Variants in ERG observed in about 807,000 individuals in gnomAD.
ERG encodes ETS transcription factor ERG, also known as transcriptional regulator ERG.
A neutral mutation model predicts 55.3 loss-of-function variants in ERG; 9 were observed. The ratio of observed to expected loss-of-function variants is 0.16; its 90% CI spans 0.10 to 0.28. The LOEUF (loss-of-function observed/expected upper bound fraction) is 0.28. Among genes scored for constraint, ERG ranks in the 10% least tolerant of loss-of-function variants. The pLI is 1.00. For missense variants in ERG, 434 were observed against 631.6 expected, an observed-to-expected ratio of 0.69 and a Z score of 3.35; for synonymous variants, 223 against 237.3, an observed-to-expected ratio of 0.94 and a Z score of 0.55.
At chr21:38,428,483 C>T (rs752860695) in intron 2 of ERG, among the ~76,000 whole-genome samples, 40 of 152,122 alleles carry the variant, frequency 2.6e-4, no homozygotes, top group Admixed American at 2.6e-4. Context: ...AGGATTTGGA[C>T]GTTCAATGCA....
chr21:38,472,563 C>A (rs2059149086), intron 1 of ERG, among the ~76,000 whole-genome samples: 2 of 152,160 alleles, frequency 1.3e-5, no homozygotes, highest in South Asian at 4.1e-4. Context: ...AGTGGTGAGG[C>A]TCCCACGTGA....
At chr21:38,599,606 C>G (rs2060152344) in intron 1 of ERG, among the ~76,000 whole-genome samples, 1 of 152,206 alleles carries the variant, frequency 6.6e-6, no homozygotes, top group East Asian at 1.9e-4. Flanking sequence ...AGGCTGGGAG[C>G]CGGCCATGGC....
intron 1 of ERG, among the ~76,000 whole-genome samples, chr21:38,600,832 A>G (rs1185949101): frequency 1.3e-5 from 2 of 152,176 alleles, no homozygotes; most frequent in African/African-American, 4.8e-5. Context: ...ATCTTCTATA[A>G]GAGCCACAGA....
intron 2 of ERG, among the ~76,000 whole-genome samples, chr21:38,540,630 T>A (rs1742921725): frequency 6.6e-6 from 1 of 152,208 alleles, no homozygotes; most frequent in Non-Finnish European, 1.5e-5. Flanking sequence ...CACTCAGGCA[T>A]AGGCCCGATC....
At chr21:38,642,056 T>C (rs1199252499) in intron 1 of ERG, among the ~76,000 whole-genome samples, 1 of 152,248 alleles carries the variant, frequency 6.6e-6, no homozygotes, top group Non-Finnish European at 1.5e-5. Context: ...GATAAATTTA[T>C]AATGACAGAG....
chr21:38,533,816 C>A (rs761654161), intron 2 of ERG, among the ~76,000 whole-genome samples: 4 of 152,202 alleles, frequency 2.6e-5, no homozygotes, highest in Non-Finnish European at 4.4e-5. Context: ...ATACTAGCTG[C>A]TCAACTGATA....
chr21:38,386,346 A>T (rs1987691259), intron 9 of ERG, among the ~76,000 whole-genome samples: 1 of 152,238 alleles, frequency 6.6e-6, no homozygotes, highest in South Asian at 2.1e-4. Context: ...ATGAATGTTT[A>T]AGTAAATGGT....
chr21:38,524,506 G>T (rs2059616792), intron 2 of ERG, among the ~76,000 whole-genome samples: 1 of 152,194 alleles, frequency 6.6e-6, no homozygotes, highest in Admixed American at 6.5e-5. Context: ...CTCAGCCTCA[G>T]ACATCCAAAC....
intron 1 of ERG, among the ~76,000 whole-genome samples, chr21:38,611,904 T>A (rs1260718971): frequency 1.3e-5 from 2 of 150,750 alleles, no homozygotes; most frequent in Non-Finnish European, 3.0e-5. Flanking sequence ...GTTTTCTGGT[T>A]TATAAACTTA....
intron 1 of ERG, among the ~76,000 whole-genome samples, chr21:38,636,045 G>C (rs11910589): frequency 0.21 from 31,597 of 152,024 alleles, 3,565 homozygotes; most frequent in African/African-American, 0.29. Context: ...CTGAATCATG[G>C]GGGTGGTACC....
At chr21:38,492,670 G>A (rs1346136733) in intron 1 of ERG, among the ~76,000 whole-genome samples, 1 of 152,136 alleles carries the variant, frequency 6.6e-6, no homozygotes, top group Non-Finnish European at 1.5e-5. Flanking sequence ...AGCAAAGCTG[G>A]GAGAATGTGC....
At chr21:38,517,022 A>G (rs1366062404) in intron 2 of ERG, among the ~76,000 whole-genome samples, 2 of 152,106 alleles carry the variant, frequency 1.3e-5, no homozygotes, top group African/African-American at 4.8e-5. Context: ...ATTAAAAGAA[A>G]ATAGAGAAAA....
At chr21:38,393,912 C>T (rs554903903) in intron 6 of ERG, among the ~76,000 whole-genome samples, 52 of 152,320 alleles carry the variant, frequency 3.4e-4, no homozygotes, top group African/African-American at 1.3e-3. Context: ...TTTTCCCACC[C>T]AGATCCTCAG....
Position 38,382,021 on chromosome 21 carries a change from G to T in ERG, c.*1382C>A. On this transcript the variant is annotated 3_prime_UTR_variant, in exon 10 of 10. Coordinates refer to ENST00000288319, the MANE Select transcript of ERG (RefSeq NM_182918.4). ...AAAAAAAGTGCAAATGCAGACTCCTGTATAAATCTGATTTGCCATGCTAGG... is the reference window on the plus strand; with the variant it reads ...AAAAAAAGTGCAAATGCAGACTCCTTTATAAATCTGATTTGCCATGCTAGG... 1 of 1,059,812 alleles carries T rather than the reference G, an allele frequency of 9.4e-7. No homozygotes were observed. The highest frequency in any genetic ancestry group is 1.1e-6 in the Non-Finnish European group (1 of 875,662). The allele number at this position is 1,059,812 out of a possible 1,614,324, so 65.7% of individuals were successfully genotyped here.
chr21:38,419,631 C>A (rs1989446710), intron 3 of ERG, among the ~76,000 whole-genome samples: 1 of 152,166 alleles, frequency 6.6e-6, no homozygotes, highest in South Asian at 2.1e-4. Flanking sequence ...TTCTACCGTG[C>A]TCTTTCATAT....
chr21:38,412,472 T>C (rs1019011815), intron 3 of ERG, among the ~76,000 whole-genome samples: 91 of 152,288 alleles, frequency 6.0e-4, no homozygotes, highest in African/African-American at 2.0e-3. Flanking sequence ...TTTACTCCAC[T>C]GAATTTTCTA....
chr21:38,397,336 A>G (rs1394774656), intron 6 of ERG, among the ~76,000 whole-genome samples: 1 of 152,042 alleles, frequency 6.6e-6, no homozygotes, highest in African/African-American at 2.4e-5. Context: ...ATGGTGGTTC[A>G]CGCCTGTAAT....
Position 38,423,430 on chromosome 21 carries a change from C to T in ERG, c.368G>A (p.Arg123His), listed in dbSNP as rs372598575. The T allele has an allele frequency of 1.8e-5, 29 of 1,613,680 alleles. No individual in the cohort carries two copies. Among genetic ancestry groups the T allele is most frequent in the Middle Eastern group, 3.3e-4 (2 of 6,056 alleles). The change falls in exon 3 of 10, where the codon CGC (arginine) becomes CAC (histidine). Residue 123 changes from arginine to histidine, a missense_variant. Around this residue, in one of 5 missense-constraint regions of ERG, gnomAD observed 212 missense variants for 262.9 expected, o/e 0.81. Transcript: ENST00000288319. ...CTGACCTGCTGGCACGATAACTCTG[C>T]GCTCGTTCGTGGTCATGTTTGGGGG... is the stretch of plus-strand genomic sequence containing the variant. Reference protein sequence around the residue: ...MPPPNMTTNERRVIVPADPTL... With the variant: ...MPPPNMTTNEHRVIVPADPTL...
At chr21:38,528,412 A>G (rs1214230314) in intron 2 of ERG, among the ~76,000 whole-genome samples, 1 of 145,734 alleles carries the variant, frequency 6.9e-6, no homozygotes, top group African/African-American at 2.6e-5. Context: ...TTAGTATTAT[A>G]CATTAGGAAG....
Sources: gnomAD v4.1 joint callset for allele counts (sites outside exome capture counted in the v4.1 genomes callset) on GRCh38, gnomAD v4.1.1 for gene constraint, gnomAD v4.1.1 regional missense constraint, MANE v1.5 for transcripts, NCBI Gene and HGNC (gene_info 2026-07-23, HGNC 2026-07-21) for gene names.